The following LYPLA1 variants were observed in gnomAD, a reference collection of about 807,000 sequenced individuals.
LYPLA1 encodes the protein acyl-protein thioesterase 1.
In LYPLA1, 17 loss-of-function variants were observed where a neutral mutation model predicts 34.0. That is an observed-to-expected ratio of 0.50 (90% confidence interval 0.34 to 0.75). The LOEUF (loss-of-function observed/expected upper bound fraction) is 0.75. LYPLA1 is among the 30% of genes least tolerant of loss of function. The probability of loss-of-function intolerance (pLI) is 0.01; values close to 1 mark genes in which losing one functional copy is unlikely to be tolerated. For missense variants in LYPLA1, 203 were observed against 288.8 expected (o/e 0.70, Z 2.15); for synonymous variants, 98 against 100.8 (o/e 0.97, Z 0.17).
At chr8:54,101,020 G>A (rs1425717907) in intron 1 of LYPLA1, 81 bp from the exon 2 acceptor site, 1 of 1,178,156 alleles carries the variant, frequency 8.5e-7, no homozygotes, top group Non-Finnish European at 1.3e-6. Context: ...TGCTTAAGGT[G>A]GAAAACGGAA....
At chr8:54,101,051 C>CA (rs1810097202) in intron 1 of LYPLA1, 112 bp from the exon 2 acceptor site, 10 of 889,406 alleles carry the variant, frequency 1.1e-5, no homozygotes, top group Non-Finnish European at 1.8e-5. Context: ...GAGAGAATTA[C>CA]ACAACACTAT....
At chr8:54,048,165 G>A in intron 8 of LYPLA1, 47 bp from the exon 9 acceptor site, 1 of 1,210,920 alleles carries the variant, frequency 8.3e-7, no homozygotes, top group Non-Finnish European at 1.2e-6. Flanking sequence ...ATGTAAGTCA[G>A]AAATTAAATT....
chr8:54,070,734 A>T (rs573342866), intron 2 of LYPLA1, among the ~76,000 whole-genome samples: 61 of 152,304 alleles, frequency 4.0e-4, no homozygotes, highest in Admixed American at 1.6e-3. Flanking sequence ...AATAAAGAAT[A>T]AAATAAAATA....
intron 2 of LYPLA1, among the ~76,000 whole-genome samples, chr8:54,078,399 A>G (rs1808061660): frequency 6.6e-6 from 1 of 152,256 alleles, no homozygotes; most frequent in Non-Finnish European, 1.5e-5. Flanking sequence ...TGCAAAGCAA[A>G]GCAACTGATA....
intron 2 of LYPLA1, among the ~76,000 whole-genome samples, chr8:54,097,498 G>A (rs968172191): frequency 5.3e-5 from 8 of 152,178 alleles, no homozygotes; most frequent in African/African-American, 1.9e-4. Context: ...AGCTATAAAG[G>A]ATATTAATGG....
chr8:54,075,127 A>G (rs531706901), intron 2 of LYPLA1, among the ~76,000 whole-genome samples: 104 of 152,352 alleles, frequency 6.8e-4, no homozygotes, highest in African/African-American at 2.3e-3. Context: ...ATGGAACCCC[A>G]CAGATGCAAC....
intron 2 of LYPLA1, among the ~76,000 whole-genome samples, chr8:54,090,817 CA>C (rs1361326548): frequency 1.3e-5 from 2 of 152,156 alleles, no homozygotes; most frequent in Non-Finnish European, 2.9e-5. Context: ...AATTGAATCA[CA>C]GGGGTGGTTT....
chr8:54,043,521 G>C (rs1215087622), downstream of LYPLA1, among the ~76,000 whole-genome samples: 1 of 151,702 alleles, frequency 6.6e-6, no homozygotes, highest in African/African-American at 2.4e-5. Flanking sequence ...TGATCCACCT[G>C]CCTCAGCCTC....
intron 7 of LYPLA1, among the ~76,000 whole-genome samples, chr8:54,052,271 T>C (rs896134203): frequency 6.6e-6 from 1 of 152,370 alleles, no homozygotes; most frequent in East Asian, 1.9e-4. Flanking sequence ...AATTCCATTC[T>C]ATGTACTCCA....
chr8:54,046,152 A>G (rs1030425311), downstream of LYPLA1, among the ~76,000 whole-genome samples: 1 of 152,212 alleles, frequency 6.6e-6, no homozygotes, highest in Non-Finnish European at 1.5e-5. Flanking sequence ...AGGTAGAAAC[A>G]TTGAAAACCA....
chr8:54,080,646 G>A (rs1355238542), intron 2 of LYPLA1, among the ~76,000 whole-genome samples: 1 of 152,172 alleles, frequency 6.6e-6, no homozygotes, highest in Non-Finnish European at 1.5e-5. Flanking sequence ...GGAGTGCAGT[G>A]GGGTGATCTC....
At chr8:54,097,786 A>G (rs1387318239) in intron 2 of LYPLA1, among the ~76,000 whole-genome samples, 1 of 152,230 alleles carries the variant, frequency 6.6e-6, no homozygotes, top group Admixed American at 6.5e-5. Flanking sequence ...GTTTTTTCCT[A>G]TACATAATGC....
At chr8:54,092,585 T>C (rs905531040) in intron 2 of LYPLA1, among the ~76,000 whole-genome samples, 22 of 152,188 alleles carry the variant, frequency 1.4e-4, no homozygotes, top group African/African-American at 4.8e-5. Flanking sequence ...CGAAGGTCTA[T>C]ACAGGTTATA....
intron 2 of LYPLA1, among the ~76,000 whole-genome samples, chr8:54,083,973 A>T (rs1313829815): frequency 6.6e-6 from 1 of 151,526 alleles, no homozygotes; most frequent in African/African-American, 2.4e-5. Flanking sequence ...CCCTGTTTCT[A>T]CTAAAAATAC....
At chr8:54,073,422 C>CAAA (rs1308374216) in intron 2 of LYPLA1, 1 of 775,094 alleles carries the variant, frequency 1.3e-6, no homozygotes, top group Admixed American at 1.7e-5. Context: ...GCCAGCTCCG[C>CAAA]TGCTTTCCTC....
chr8:54,063,047 T>A (rs1222793953), intron 4 of LYPLA1, among the ~76,000 whole-genome samples: 1 of 152,120 alleles, frequency 6.6e-6, no homozygotes, highest in Non-Finnish European at 1.5e-5. Flanking sequence ...TAGGGGTCAT[T>A]CGAATGTTGG....
chr8:54,087,265 G>A (rs1808868424), intron 2 of LYPLA1, among the ~76,000 whole-genome samples: 1 of 152,174 alleles, frequency 6.6e-6, no homozygotes, highest in Admixed American at 6.5e-5. Flanking sequence ...ATGTAATAAA[G>A]TCAACAATTC....
intron 2 of LYPLA1, among the ~76,000 whole-genome samples, chr8:54,067,016 A>T (rs1204356279): frequency 6.6e-6 from 1 of 151,872 alleles, no homozygotes; most frequent in Non-Finnish European, 1.5e-5. Context: ...TAAAAATACA[A>T]AAACTAGCTG....
rs984425590 is a variant in LYPLA1 at position 54,082,812 on chromosome 8, C to T, written c.102-16999G>A. 3.9e-5 allele frequency among the ~76,000 whole-genome samples: 6 copies of T among 152,176 alleles called. No individual in the cohort carries two copies. In the South Asian group the frequency reaches 1.0e-3, roughly 26 times the overall value. ...CGCGATCTCGGCTCACTGCAAGCCC[C>T]GCCTCCCAGGTTCACGCCATTCTCC... On this transcript the variant is annotated intron_variant, in intron 2 of 8. Transcript: ENST00000316963.
Sources: gnomAD v4.1 joint callset for allele counts (sites outside exome capture counted in the v4.1 genomes callset) on GRCh38, gnomAD v4.1.1 for gene constraint, MANE v1.5 for transcripts, NCBI Gene and HGNC (gene_info 2026-07-23, HGNC 2026-07-21) for gene names.